Variants in AP3B1 observed in about 807,000 individuals in gnomAD.
AP3B1 encodes AP-3 complex subunit beta-1.
Under a neutral mutation model 132.5 loss-of-function variants are expected in AP3B1, and 61 were observed. That is an observed-to-expected ratio of 0.46 (90% CI 0.37 to 0.57). AP3B1 has a LOEUF of 0.57. AP3B1 is among the 20% of genes least tolerant of loss of function. The pLI, the probability that AP3B1 is intolerant of heterozygous loss-of-function variation, is 0.00. For missense variants in AP3B1, 1,120 were observed against 1,289.4 expected, an observed-to-expected ratio of 0.87 and a Z score of 2.01; for synonymous variants, 388 against 438.3, an observed-to-expected ratio of 0.89 and a Z score of 1.43.
intron 22 of AP3B1, among the ~76,000 whole-genome samples, chr5:78,088,390 T>G (rs1033409485): frequency 6.6e-6 from 1 of 152,228 alleles, no homozygotes; most frequent in Admixed American, 6.5e-5. Flanking sequence ...CTTAAAACTT[T>G]TCACCTGTAC....
At chr5:78,264,697 T>C (rs74982587) in intron 2 of AP3B1, among the ~76,000 whole-genome samples, 7,012 of 152,308 alleles carry the variant, frequency 0.046, 237 homozygotes, top group Non-Finnish European at 0.07. Context: ...AGCATTGTTA[T>C]TGAAGGAAGA....
chr5:78,260,764 T>C (rs1380331658), intron 2 of AP3B1, among the ~76,000 whole-genome samples: 1 of 152,196 alleles, frequency 6.6e-6, no homozygotes, highest in Non-Finnish European at 1.5e-5. Context: ...AGCTCCCAAT[T>C]TCTCGCTTTC....
chr5:78,054,692 C>T (rs1223399417), intron 22 of AP3B1, among the ~76,000 whole-genome samples: 1 of 152,116 alleles, frequency 6.6e-6, no homozygotes, highest in Non-Finnish European at 1.5e-5. Context: ...TAAAAGCTGG[C>T]TGTGTTGCCT....
At position 78,020,595 on chromosome 5, in the gene AP3B1, G is replaced by A. The variant is rs906323243; in HGVS notation, c.2992+97C>T. 28 of 939,604 alleles carry A rather than the reference G, an allele frequency of 3.0e-5. No individual in the cohort carries two copies. In the Admixed American group the frequency reaches 4.7e-4, roughly 16 times the overall value. 58.2% of individuals were successfully genotyped at this position (939,604 alleles called of 1,614,324 possible). A position where few individuals can be genotyped will look rare whatever the true frequency, so the allele number is the denominator to read the frequency against. Reference sequence around the variant, plus strand: ...AGATTGTGCACTAATATCTGTTAATGGCTATGTACCTATGAAAATTTATTT... The same window carrying A: ...AGATTGTGCACTAATATCTGTTAATAGCTATGTACCTATGAAAATTTATTT... On this transcript the variant is annotated intron_variant, in intron 25 of 26. Coordinates refer to ENST00000255194, the MANE Select transcript of AP3B1 (RefSeq NM_003664.5).
At chr5:78,111,509 G>A (rs1402332660) in intron 19 of AP3B1, among the ~76,000 whole-genome samples, 1 of 152,118 alleles carries the variant, frequency 6.6e-6, no homozygotes, top group African/African-American at 2.4e-5. Context: ...CGTGTCAGGA[G>A]AACATGTGGA....
At chr5:78,213,938 C>A (rs1321166852) in intron 7 of AP3B1, among the ~76,000 whole-genome samples, 1 of 152,030 alleles carries the variant, frequency 6.6e-6, no homozygotes, top group African/African-American at 2.4e-5. Flanking sequence ...GAAAGGAAGG[C>A]AAAAAAGGCT....
chr5:78,081,592 C>T (rs982413894), intron 22 of AP3B1, among the ~76,000 whole-genome samples: 1 of 152,082 alleles, frequency 6.6e-6, no homozygotes, highest in Admixed American at 6.6e-5. Flanking sequence ...CCACCGCACC[C>T]GGCATACTTC....
chr5:78,038,064 C>T (rs879741711), intron 23 of AP3B1, among the ~76,000 whole-genome samples: 1 of 152,092 alleles, frequency 6.6e-6, no homozygotes, highest in Admixed American at 6.6e-5. Context: ...ATGCGGTGGG[C>T]ACAGAAGCAA....
chr5:78,061,151 T>G (rs972549199), intron 22 of AP3B1, among the ~76,000 whole-genome samples: 3 of 151,958 alleles, frequency 2.0e-5, no homozygotes, highest in Admixed American at 2.0e-4. Flanking sequence ...AAAAAAACAC[T>G]TCTCTTATGA....
At chr5:78,278,680 G>A (rs62364494) in intron 1 of AP3B1, among the ~76,000 whole-genome samples, 4,420 of 151,300 alleles carry the variant, frequency 0.029, 123 homozygotes, top group Non-Finnish European at 0.051. Flanking sequence ...TTTAAAACAG[G>A]GGTCCTCAAC....
chr5:78,117,312 A>AT (rs55983344), intron 17 of AP3B1, among the ~76,000 whole-genome samples: 334 of 140,362 alleles, frequency 2.4e-3, no homozygotes, highest in South Asian at 7.3e-3. Flanking sequence ...ATTTTGTGCA[A>AT]TTTTTTTTTT....
chr5:78,045,313 G>A (rs1049636583), intron 22 of AP3B1, among the ~76,000 whole-genome samples: 7 of 151,274 alleles, frequency 4.6e-5, no homozygotes, highest in African/African-American at 1.7e-4. Context: ...CCCAGGAAGT[G>A]GAGGTTGCAG....
chr5:78,195,576 T>C (rs1282601647), intron 7 of AP3B1, among the ~76,000 whole-genome samples: 1 of 152,178 alleles, frequency 6.6e-6, no homozygotes, highest in Non-Finnish European at 1.5e-5. Flanking sequence ...TCCCAGAACT[T>C]TGGGAAGCTG....
chr5:78,071,927 G>T (rs1261312342), intron 22 of AP3B1, among the ~76,000 whole-genome samples: 1 of 152,138 alleles, frequency 6.6e-6, no homozygotes, highest in Non-Finnish European at 1.5e-5. Flanking sequence ...TAATTTCATA[G>T]CTAACAGCCT....
At chr5:78,148,107 G>A (rs1580408549) in intron 14 of AP3B1, among the ~76,000 whole-genome samples, 1 of 151,988 alleles carries the variant, frequency 6.6e-6, no homozygotes, top group Admixed American at 6.6e-5. Flanking sequence ...TGTATCCCTG[G>A]ACATGAATAT....
intron 15 of AP3B1, 46 bp from the exon 16 acceptor site, chr5:78,129,353 T>C (rs377238139): frequency 5.9e-5 from 85 of 1,437,140 alleles, no homozygotes; most frequent in Middle Eastern, 3.6e-4. Context: ...TTATTTATGA[T>C]TATCGATAAC....
rs574566234 is a variant in AP3B1 at position 78,129,281 on chromosome 5, T to G, written c.1677A>C (p.Leu559Phe). ...AGTTTTGATCATACTTGCCGAGATT[T>G]AATATGTACTGGGTAAGCAATTTTG... is the stretch of plus-strand genomic sequence containing the variant. ...KQTKLLTQYI[L>F]NLGKYDQNYD... Residue 559 changes from leucine (L) to phenylalanine (F), a missense_variant, in exon 16 of 27, where the codon TTA becomes TTC. Coordinates refer to ENST00000255194, the MANE Select transcript of AP3B1 (RefSeq NM_003664.5). 3 of 1,612,992 alleles carry G rather than the reference T, an allele frequency of 1.9e-6. No individual in the cohort carries two copies. Among genetic ancestry groups the G allele is most frequent in the Admixed American group, 3.3e-5 (2 of 60,000 alleles).
chr5:78,158,806 C>A (rs1469429538), intron 13 of AP3B1, among the ~76,000 whole-genome samples: 1 of 151,956 alleles, frequency 6.6e-6, no homozygotes, highest in African/African-American at 2.4e-5. Context: ...AAGCGATTCT[C>A]CTGCCTCAGC....
At chr5:78,034,507 C>T (rs1026512873) in intron 23 of AP3B1, 62 bp from the exon 24 acceptor site, 11 of 1,259,534 alleles carry the variant, frequency 8.7e-6, no homozygotes, top group Non-Finnish European at 1.3e-5. Flanking sequence ...GCAAACTAAA[C>T]ACTGAAAATT....
Sources: allele counts gnomAD v4.1 joint callset (sites outside exome capture counted in the v4.1 genomes callset), GRCh38; gene constraint gnomAD v4.1.1; transcripts MANE v1.5; gene names NCBI Gene and HGNC (gene_info 2026-07-23, HGNC 2026-07-21).